The following SHOC2 variants were observed in gnomAD, a reference collection of about 807,000 sequenced individuals.
SHOC2 encodes the protein leucine-rich repeat protein SHOC-2.
A neutral mutation model predicts 50.2 loss-of-function variants in SHOC2; 4 were observed. The observed-to-expected ratio is 0.08, with a 90% CI of 0.04 to 0.18. SHOC2 has a LOEUF of 0.18. Among genes scored for constraint, SHOC2 ranks in the 10% least tolerant of loss-of-function variants. The pLI is 1.00. For missense variants in SHOC2, 388 were observed against 669.6 expected (o/e 0.58, Z 4.64); for synonymous variants, 218 against 244.5 (o/e 0.89, Z 1.01).
At chr10:110,954,585 C>T (rs930823489) in intron 1 of SHOC2, among the ~76,000 whole-genome samples, 2 of 152,152 alleles carry the variant, frequency 1.3e-5, no homozygotes, top group African/African-American at 4.8e-5. Flanking sequence ...GTGAACAAGA[C>T]AGACAAGGTC....
rs1171307682 is a variant in SHOC2, at chr10:110,919,606, A to G, written c.-286A>G. On this transcript the variant is annotated 5_prime_UTR_variant, in exon 1 of 9. Coordinates refer to ENST00000369452, the MANE Select transcript of SHOC2 (RefSeq NM_007373.4). ...GCGTCGCTTCTTAGGAGGAGGAGGA[A>G]GAGGAGGAAGGAGGGCGAGCGAGGA... is the stretch of plus-strand genomic sequence containing the variant. 3 of 395,918 alleles carry G rather than the reference A, an allele frequency of 7.6e-6. No homozygotes were observed. The highest frequency in any genetic ancestry group is 4.4e-5 in the Admixed American group (1 of 22,516). 24.5% of individuals were successfully genotyped at this position (395,918 alleles called of 1,614,324 possible).
At chr10:110,937,722 C>G (rs1199062142) in intron 1 of SHOC2, among the ~76,000 whole-genome samples, 2 of 152,162 alleles carry the variant, frequency 1.3e-5, no homozygotes, top group Non-Finnish European at 2.9e-5. Context: ...AAAAATAGTT[C>G]ATTTACAGAG....
intron 3 of SHOC2, among the ~76,000 whole-genome samples, chr10:110,990,843 G>T (rs1416218237): frequency 1.3e-5 from 2 of 151,864 alleles, no homozygotes; most frequent in African/African-American, 4.8e-5. Context: ...TAAGATACTT[G>T]AAATGTTATC....
intron 1 of SHOC2, among the ~76,000 whole-genome samples, chr10:110,955,137 G>A (rs1847434870): frequency 6.6e-6 from 1 of 152,136 alleles, no homozygotes; most frequent in African/African-American, 2.4e-5. Flanking sequence ...TGGATAAAAA[G>A]TGCTTTGTTC....
At position 111,007,733 on chromosome 10, in the gene SHOC2, A is replaced by G. The variant is rs1350035733; in HGVS notation, c.1284+80A>G. ...TAAAAATTTCAAATTTAAATAAGCA[A>G]TTTCTATTTGGGTGAATGTCATAAT... On this transcript the variant is annotated intron_variant, in intron 6 of 8. Transcript: ENST00000369452. 5.8e-6 allele frequency: 8 copies of G among 1,385,164 alleles called. No individual in the cohort carries two copies. The African/African-American group carries it at 7.1e-5, about 12-fold the overall frequency. The allele number at this position is 1,385,164 out of a possible 1,614,324, so 85.8% of individuals were successfully genotyped here.
rs151075558 is a variant in SHOC2 at position 111,001,315 on chromosome 10, C to T, written c.972+770C>T. Among the ~76,000 whole-genome samples, 376 of 151,850 alleles carry T rather than the reference C, an allele frequency of 2.5e-3. 3 individuals are homozygous for T. Among genetic ancestry groups the T allele is most frequent in the African/African-American group, 8.3e-3 (343 of 41,406 alleles). ...CTGGGATAAAAGGCACTACCACGCC[C>T]GGTTAATTTTGTATTTTTAGTAGAG... On this transcript the variant is annotated intron_variant, in intron 4 of 8. Coordinates refer to ENST00000369452, the MANE Select transcript of SHOC2 (RefSeq NM_007373.4).
intron 1 of SHOC2, among the ~76,000 whole-genome samples, chr10:110,932,690 AG>A (rs1324507723): frequency 1.3e-5 from 2 of 152,090 alleles, no homozygotes; most frequent in Non-Finnish European, 2.9e-5. Flanking sequence ...CTAACCTCCA[AG>A]GCTAATTCAG....
chr10:110,953,247 A>G (rs1728213156), intron 1 of SHOC2, among the ~76,000 whole-genome samples: 1 of 152,134 alleles, frequency 6.6e-6, no homozygotes, highest in Admixed American at 6.5e-5. Flanking sequence ...TTACTTTTTA[A>G]TAATCACCAT....
At chr10:110,989,330 T>A (rs1848139275) in intron 3 of SHOC2, among the ~76,000 whole-genome samples, 1 of 152,190 alleles carries the variant, frequency 6.6e-6, no homozygotes. Context: ...TAATTCCCAT[T>A]TTTGTTTTAG....
At chr10:110,989,056 A>G (rs1208278154) in intron 3 of SHOC2, 2 of 498,760 alleles carry the variant, frequency 4.0e-6, no homozygotes, top group Non-Finnish European at 7.8e-6. Context: ...TTTCCATGAT[A>G]TATTATTGAC....
chr10:110,940,504 T>C (rs1311141934), intron 1 of SHOC2, among the ~76,000 whole-genome samples: 1 of 152,352 alleles, frequency 6.6e-6, no homozygotes, highest in East Asian at 1.9e-4. Context: ...GTTCAAAGTA[T>C]AATGTGATTT....
chr10:110,940,530 T>G (rs1263727899), intron 1 of SHOC2, among the ~76,000 whole-genome samples: 1 of 152,240 alleles, frequency 6.6e-6, no homozygotes, highest in East Asian at 1.9e-4. Flanking sequence ...GTATCATGTA[T>G]GTAAATTCAA....
At chr10:111,001,924 A>C (rs1381524435) in intron 4 of SHOC2, among the ~76,000 whole-genome samples, 1 of 152,164 alleles carries the variant, frequency 6.6e-6, no homozygotes, top group East Asian at 1.9e-4. Flanking sequence ...CTGTAATCCC[A>C]GCTACTCAGA....
chr10:110,927,696 T>A (rs1176331861), intron 1 of SHOC2, among the ~76,000 whole-genome samples: 1 of 152,130 alleles, frequency 6.6e-6, no homozygotes, highest in East Asian at 1.9e-4. Context: ...ATATGAGTAT[T>A]TGGGACGAGA....
chr10:110,973,899 G>A (rs1487733128), intron 2 of SHOC2, among the ~76,000 whole-genome samples: 1 of 151,258 alleles, frequency 6.6e-6, no homozygotes, highest in Non-Finnish European at 1.5e-5. Context: ...ATATATAGTG[G>A]TGTTCCCCTT....
intron 1 of SHOC2, among the ~76,000 whole-genome samples, chr10:110,922,948 T>A (rs1388831949): frequency 6.6e-6 from 1 of 152,102 alleles, no homozygotes; most frequent in Non-Finnish European, 1.5e-5. Context: ...ACTTCAAATA[T>A]TAAGTGAGTT....
chr10:110,985,521 C>T, intron 2 of SHOC2, 107 bp from the exon 3 acceptor site: 4 of 817,384 alleles, frequency 4.9e-6, no homozygotes, highest in Admixed American at 4.4e-5. Context: ...GGTTATGTTT[C>T]CCGTTGTTTG....
intron 2 of SHOC2, among the ~76,000 whole-genome samples, chr10:110,976,126 G>T (rs1041541653): frequency 6.6e-6 from 1 of 151,914 alleles, no homozygotes; most frequent in African/African-American, 2.4e-5. Flanking sequence ...AGCCAGGCTG[G>T]TCTCAAATTC....
chr10:110,999,928 A>T (rs1324452683), intron 3 of SHOC2, among the ~76,000 whole-genome samples: 1 of 152,068 alleles, frequency 6.6e-6, no homozygotes, highest in African/African-American at 2.4e-5. Flanking sequence ...TTCAGTATGG[A>T]ACCTTTCTGA....
Sources: gnomAD v4.1 joint callset for allele counts (sites outside exome capture counted in the v4.1 genomes callset) on GRCh38, gnomAD v4.1.1 for gene constraint, MANE v1.5 for transcripts, NCBI Gene and HGNC (gene_info 2026-07-23, HGNC 2026-07-21) for gene names.